Variants in NPY2R observed in about 807,000 individuals in gnomAD.
NPY2R encodes neuropeptide Y receptor type 2.
NPY2R carries 17 observed loss-of-function variants against 22.3 expected under a neutral mutation model. The ratio of observed to expected loss-of-function variants is 0.76; its 90% CI spans 0.52 to 1.14. NPY2R has a LOEUF of 1.14. NPY2R is among the 50% of genes most tolerant of loss of function. NPY2R has a pLI of 0.00. For synonymous variants in NPY2R, 209 were observed against 183.4 expected (o/e 1.14, Z -1.13); for missense variants, 424 against 467.9 (o/e 0.91, Z 0.87).
intron 1 of NPY2R, among the ~76,000 whole-genome samples, chr4:155,213,511 C>A (rs1472450321): frequency 6.6e-6 from 1 of 152,042 alleles, no homozygotes. Flanking sequence ...TTTTTATCTA[C>A]CTGAAAATTA....
At chr4:155,191,144 G>T in the NPY2R span, among the ~76,000 whole-genome samples, 1 of 151,818 alleles carries the variant, frequency 6.6e-6, no homozygotes, top group African/African-American at 2.4e-5. Flanking sequence ...GCAGAGAAGA[G>T]GCAGAATAGA....
the NPY2R span, among the ~76,000 whole-genome samples, chr4:155,198,674 T>C: frequency 8.0e-6 from 1 of 124,368 alleles, no homozygotes; most frequent in Non-Finnish European, 1.8e-5. Context: ...GATGCCCTTG[T>C]CAAATTTAAT....
chr4:155,202,581 T>C, the NPY2R span, among the ~76,000 whole-genome samples: 1 of 152,182 alleles, frequency 6.6e-6, no homozygotes. Context: ...ATGAATTAAA[T>C]GCTACTTGCA....
the NPY2R span, among the ~76,000 whole-genome samples, chr4:155,199,546 G>A: frequency 4.6e-5 from 7 of 152,058 alleles, no homozygotes; most frequent in East Asian, 1.4e-3. Context: ...CCAAAAAAGA[G>A]CCCATATAGC....
chr4:155,192,320 G>T, the NPY2R span, among the ~76,000 whole-genome samples: 1 of 151,710 alleles, frequency 6.6e-6, no homozygotes, highest in East Asian at 1.9e-4. Flanking sequence ...ACTCCAAGAG[G>T]CTGGCAAATA....
chr4:155,175,048 T>G, the NPY2R span, among the ~76,000 whole-genome samples: 4 of 152,116 alleles, frequency 2.6e-5, no homozygotes, highest in African/African-American at 4.8e-5. Context: ...AATTCATTTG[T>G]GAAGCCTTAG....
the NPY2R span, among the ~76,000 whole-genome samples, chr4:155,182,903 G>C: frequency 6.6e-6 from 1 of 151,932 alleles, no homozygotes; most frequent in Non-Finnish European, 1.5e-5. Context: ...AGCAATTCTT[G>C]TGCCTCAGCC....
chr4:155,188,740 T>G, the NPY2R span, among the ~76,000 whole-genome samples: 6 of 152,062 alleles, frequency 3.9e-5, no homozygotes, highest in Non-Finnish European at 8.8e-5. Flanking sequence ...AGAAACTGAA[T>G]CCTGCTAGCA....
intron 1 of NPY2R, among the ~76,000 whole-genome samples, chr4:155,212,927 T>C (rs1729435866): frequency 6.6e-6 from 1 of 152,188 alleles, no homozygotes; most frequent in South Asian, 2.1e-4. Context: ...TGGTATGTAA[T>C]ACACCATGGA....
At chr4:155,197,549 G>A in the NPY2R span, among the ~76,000 whole-genome samples, 1 of 151,658 alleles carries the variant, frequency 6.6e-6, no homozygotes, top group African/African-American at 2.4e-5. Context: ...ACAATTCAAA[G>A]AACTCCATAA....
At position 155,210,350 on chromosome 4, in the gene NPY2R, T is replaced by C. The variant is rs886883495; in HGVS notation, c.-49+1281T>C. 3.3e-5 allele frequency among the ~76,000 whole-genome samples: 5 copies of C among 152,288 alleles called. No individual in the cohort carries two copies. In the East Asian group the frequency reaches 9.7e-4, roughly 29 times the overall value. On this transcript the variant is annotated intron_variant, in intron 1 of 1. Coordinates refer to ENST00000329476, the MANE Select transcript of NPY2R (RefSeq NM_000910.4). ...ACAGAGAAGTTGTAAATAAAAGGGC[T>C]TCAAAATTTATAAAACAAGACTGAG...
At position 155,214,943 on chromosome 4, in the gene NPY2R, C is replaced by T. The variant is rs1729484489; in HGVS notation, c.1004C>T (p.Ala335Val). The change falls in exon 2 of 2, where the codon GCT becomes GTT. Residue 335 changes from alanine to valine, a missense_variant. Coordinates refer to ENST00000329476, the MANE Select transcript of NPY2R (RefSeq NM_000910.4). ...TGGATGAACAGCAACTACAGAAAGG[C>T]TTTCCTCTCGGCCTTCCGCTGTGAG... ...YGWMNSNYRK[A>V]FLSAFRCEQR... 1.9e-6 allele frequency: 3 copies of T among 1,614,078 alleles called. No homozygotes were observed. In the African/African-American group the frequency reaches 4.0e-5, roughly 22 times the overall value.
chr4:155,189,142 G>C, the NPY2R span, among the ~76,000 whole-genome samples: 1 of 151,926 alleles, frequency 6.6e-6, no homozygotes, highest in Non-Finnish European at 1.5e-5. Context: ...CTACCAGAAT[G>C]TTCTTACTAA....
chr4:155,196,480 C>T, the NPY2R span, among the ~76,000 whole-genome samples: 1 of 151,766 alleles, frequency 6.6e-6, no homozygotes, highest in Non-Finnish European at 1.5e-5. Context: ...ATTGAGATTA[C>T]AGATTGAAGC....
chr4:155,188,557 C>T, the NPY2R span, among the ~76,000 whole-genome samples: 1 of 152,088 alleles, frequency 6.6e-6, no homozygotes, highest in Non-Finnish European at 1.5e-5. Flanking sequence ...TGGGAGGTCT[C>T]TTCCATGATT....
At chr4:155,197,927 G>T in the NPY2R span, among the ~76,000 whole-genome samples, 1 of 151,876 alleles carries the variant, frequency 6.6e-6, no homozygotes, top group Non-Finnish European at 1.5e-5. Context: ...GTGCCTGGCG[G>T]GCTCTGCACA....
chr4:155,201,689 T>C, the NPY2R span, among the ~76,000 whole-genome samples: 2 of 152,144 alleles, frequency 1.3e-5, no homozygotes, highest in Admixed American at 6.5e-5. Flanking sequence ...CAGGTTAAAG[T>C]GACTTATTTA....
intron 1 of NPY2R, 130 bp from the exon 2 acceptor site, chr4:155,213,762 A>G (rs1236637334): frequency 1.6e-6 from 1 of 632,028 alleles, no homozygotes; most frequent in African/African-American, 1.8e-5. Flanking sequence ...TAGAGAGTAG[A>G]GGATATTTTG....
At chr4:155,197,609 C>T in the NPY2R span, among the ~76,000 whole-genome samples, 3,360 of 152,010 alleles carry the variant, frequency 0.022, 115 homozygotes, top group African/African-American at 0.078. Flanking sequence ...TTATTAAACC[C>T]TCTCTATAAG....
Sources: allele counts gnomAD v4.1 joint callset (sites outside exome capture counted in the v4.1 genomes callset), GRCh38; gene constraint gnomAD v4.1.1; transcripts MANE v1.5; gene names NCBI Gene and HGNC (gene_info 2026-07-23, HGNC 2026-07-21).